The following NKAIN3 variants were observed in gnomAD, a reference collection of about 807,000 sequenced individuals.
NKAIN3 encodes sodium/potassium-transporting ATPase subunit beta-1-interacting protein 3.
Under a neutral mutation model 30.2 loss-of-function variants are expected in NKAIN3, and 25 were observed. The ratio of observed to expected loss-of-function variants is 0.83; its 90% CI spans 0.60 to 1.16. The LOEUF (loss-of-function observed/expected upper bound fraction) is 1.16, where lower values mean the gene tolerates loss of function less well. NKAIN3 is among the 50% of genes most tolerant of loss of function. NKAIN3 has a pLI of 0.00. For missense variants in NKAIN3, 225 were observed against 254.1 expected, an observed-to-expected ratio of 0.89 and a Z score of 0.78; for synonymous variants, 91 against 89.6, an observed-to-expected ratio of 1.02 and a Z score of -0.09.
intron 4 of NKAIN3, among the ~76,000 whole-genome samples, chr8:62,830,277 T>G (rs780227057): frequency 6.6e-5 from 10 of 152,168 alleles, no homozygotes; most frequent in Non-Finnish European, 1.5e-4. Context: ...TTATACAGTA[T>G]CTATGATTCA....
Position 62,971,570 on chromosome 8 carries a change from T to C in NKAIN3, c.*6163T>C, listed in dbSNP as rs1423219724. Among the ~76,000 whole-genome samples the C allele has an allele frequency of 6.6e-6, 1 of 151,824 alleles. No homozygotes were observed. The highest frequency in any genetic ancestry group is 1.5e-5 in the Non-Finnish European group (1 of 67,990). ...GTTGTTTGAACCTGGGAGACGGAGG[T>C]TGCAGTTAGCCAAGATCATGCCACT... On this transcript the variant is annotated 3_prime_UTR_variant, in exon 7 of 7. Coordinates refer to ENST00000623646, the MANE Select transcript of NKAIN3 (RefSeq NM_001304533.3).
At chr8:62,773,573 G>C (rs766433587) in intron 4 of NKAIN3, among the ~76,000 whole-genome samples, 2 of 152,080 alleles carry the variant, frequency 1.3e-5, no homozygotes, top group South Asian at 4.1e-4. Context: ...TAATTCCCAA[G>C]TGCAGTGGGA....
intron 4 of NKAIN3, among the ~76,000 whole-genome samples, chr8:62,784,196 A>G (rs763033483): frequency 6.6e-6 from 1 of 152,032 alleles, no homozygotes; most frequent in Non-Finnish European, 1.5e-5. Context: ...TTTTCAAACA[A>G]TTTGTCTAGA....
chr8:62,741,090 T>C (rs1411473119), intron 3 of NKAIN3, among the ~76,000 whole-genome samples: 2 of 152,064 alleles, frequency 1.3e-5, no homozygotes, highest in African/African-American at 4.8e-5. Flanking sequence ...ATCCAGTTTT[T>C]TACTCCCAGA....
At chr8:62,566,731 A>G (rs567871863) in intron 1 of NKAIN3, among the ~76,000 whole-genome samples, 4 of 152,178 alleles carry the variant, frequency 2.6e-5, no homozygotes, top group African/African-American at 9.6e-5. Flanking sequence ...CAGTTGATTC[A>G]TCTTTAAAGA....
chr8:62,661,719 G>T (rs1394956265), intron 3 of NKAIN3, among the ~76,000 whole-genome samples: 2 of 152,138 alleles, frequency 1.3e-5, no homozygotes, highest in African/African-American at 4.8e-5. Context: ...TTGGGCTCGT[G>T]TCCCCTGCAC....
At chr8:62,583,911 T>C (rs547247503) in intron 2 of NKAIN3, among the ~76,000 whole-genome samples, 21 of 152,324 alleles carry the variant, frequency 1.4e-4, no homozygotes, top group African/African-American at 4.8e-4. Context: ...AAAAATTGCC[T>C]TTTAAAAAAG....
At chr8:62,276,076 A>AT (rs1307471143) in intron 1 of NKAIN3, among the ~76,000 whole-genome samples, 2 of 151,414 alleles carry the variant, frequency 1.3e-5, no homozygotes, top group Non-Finnish European at 2.9e-5. Flanking sequence ...TTTTTCTTTT[A>AT]TTTTTTTGAG....
intron 1 of NKAIN3, among the ~76,000 whole-genome samples, chr8:62,575,930 T>C (rs962724767): frequency 2.6e-5 from 4 of 152,122 alleles, no homozygotes; most frequent in African/African-American, 7.2e-5. Context: ...AGAATGAAAC[T>C]GGACTCATAT....
At chr8:62,460,808 A>G (rs1391165865) in intron 1 of NKAIN3, among the ~76,000 whole-genome samples, 1 of 152,230 alleles carries the variant, frequency 6.6e-6, no homozygotes, top group African/African-American at 2.4e-5. Flanking sequence ...GCCTTTGCTC[A>G]GAGGATTGTG....
chr8:62,436,958 A>C (rs986100835), intron 1 of NKAIN3, among the ~76,000 whole-genome samples: 1 of 152,218 alleles, frequency 6.6e-6, no homozygotes, highest in Non-Finnish European at 1.5e-5. Flanking sequence ...ATTCATATTT[A>C]AGTCTAAAGA....
chr8:62,889,933 T>TA (rs148573355), intron 4 of NKAIN3, among the ~76,000 whole-genome samples: 3,151 of 151,202 alleles, frequency 0.021, 39 homozygotes, highest in East Asian at 0.06. Flanking sequence ...TGGAATGGTA[T>TA]AAAAAAAAAC....
chr8:62,703,448 TA>T (rs879345275), intron 3 of NKAIN3, among the ~76,000 whole-genome samples: 13 of 152,036 alleles, frequency 8.6e-5, no homozygotes, highest in Non-Finnish European at 1.9e-4. Flanking sequence ...ACAAATTGCC[TA>T]AAAAAAACTC....
At chr8:62,298,006 A>C (rs2129587693) in intron 1 of NKAIN3, among the ~76,000 whole-genome samples, 1 of 152,218 alleles carries the variant, frequency 6.6e-6, no homozygotes, top group Non-Finnish European at 1.5e-5. Context: ...AAAAATGATG[A>C]GTTCATGTCC....
intron 1 of NKAIN3, among the ~76,000 whole-genome samples, chr8:62,274,779 TG>T (rs1478026481): frequency 6.9e-6 from 1 of 144,462 alleles, no homozygotes; most frequent in African/African-American, 2.6e-5. Context: ...CAGAGTGTGA[TG>T]TTCCCCTTCC....
intron 5 of NKAIN3, among the ~76,000 whole-genome samples, chr8:62,924,858 G>T (rs1363732108): frequency 2.6e-5 from 4 of 152,164 alleles, no homozygotes; most frequent in African/African-American, 4.8e-5. Context: ...TTCTTCCTGT[G>T]TTCCCACATG....
chr8:62,779,992 A>G (rs1483286710), intron 4 of NKAIN3, among the ~76,000 whole-genome samples: 1 of 152,154 alleles, frequency 6.6e-6, no homozygotes, highest in Admixed American at 6.6e-5. Flanking sequence ...CAGAAACAAT[A>G]CAAAAGATCA....
At chr8:62,425,712 AT>A (rs370997857) in intron 1 of NKAIN3, among the ~76,000 whole-genome samples, 4,752 of 152,036 alleles carry the variant, frequency 0.031, 285 homozygotes, top group African/African-American at 0.11. Context: ...TAGAAAAATT[AT>A]TTTTTAAAGA....
At chr8:62,824,103 G>T (rs1213914722) in intron 4 of NKAIN3, among the ~76,000 whole-genome samples, 2 of 152,148 alleles carry the variant, frequency 1.3e-5, no homozygotes, top group African/African-American at 4.8e-5. Context: ...TTTGAGGGAA[G>T]GAGATTGAGA....
Sources: allele counts gnomAD v4.1 joint callset (sites outside exome capture counted in the v4.1 genomes callset), GRCh38; gene constraint gnomAD v4.1.1; transcripts MANE v1.5; gene names NCBI Gene and HGNC (gene_info 2026-07-23, HGNC 2026-07-21).